Variants in RNPC3 observed in about 807,000 individuals in gnomAD.
The protein encoded by RNPC3 is RNA-binding region-containing protein 3.
A neutral mutation model predicts 67.5 loss-of-function variants in RNPC3; 48 were observed. That is an observed-to-expected ratio of 0.71 (90% CI 0.56 to 0.90). The LOEUF is 0.90. Ranked by LOEUF, RNPC3 falls within the 40% of genes least tolerant of loss-of-function variation. RNPC3 has a pLI of 0.00. For synonymous variants in RNPC3, 239 were observed against 210.3 expected (o/e 1.14, Z -1.18); for missense variants, 637 against 626.1 (o/e 1.02, Z -0.19).
At chr1:103,539,093 A>G (rs1033901649) in intron 7 of RNPC3, among the ~76,000 whole-genome samples, 2 of 152,222 alleles carry the variant, frequency 1.3e-5, no homozygotes, top group Admixed American at 1.3e-4. Context: ...GACTTTAATT[A>G]CAAAAACAGG....
chr1:103,536,303 G>A (rs1422939097), intron 6 of RNPC3, 109 bp downstream of exon 6: 2 of 730,896 alleles, frequency 2.7e-6, no homozygotes, highest in African/African-American at 3.5e-5. Flanking sequence ...TTGAAAATAA[G>A]GAACGGGTAT....
intron 14 of RNPC3, chr1:103,554,071 TA>T: frequency 6.6e-6 from 1 of 152,252 alleles, no homozygotes; most frequent in Non-Finnish European, 1.5e-5. Flanking sequence ...ATACTAATTT[TA>T]AAAGGGTGCA....
intron 2 of RNPC3, among the ~76,000 whole-genome samples, chr1:103,531,026 C>T (rs949243045): frequency 4.6e-5 from 7 of 152,174 alleles, no homozygotes; most frequent in Non-Finnish European, 8.8e-5. Context: ...TCCTCAAAGT[C>T]CATTGTATCA....
chr1:103,536,821 T>A (rs1272090632), intron 6 of RNPC3, among the ~76,000 whole-genome samples: 2 of 152,172 alleles, frequency 1.3e-5, no homozygotes, highest in African/African-American at 4.8e-5. Flanking sequence ...ATGCTTGATA[T>A]ATTACTGGAG....
chr1:103,527,644 T>C, intron 1 of RNPC3, 51 bp from the exon 2 acceptor site: 1 of 1,379,568 alleles, frequency 7.2e-7, no homozygotes, highest in Non-Finnish European at 1.0e-6. Flanking sequence ...GATTTCTTTG[T>C]GAGAAACTGA....
rs565291953 is a variant in RNPC3, at chr1:103,525,882, G to T, written c.-189G>T. On this transcript the variant is annotated 5_prime_UTR_variant, in exon 1 of 15. Coordinates refer to ENST00000423855, the MANE Select transcript of RNPC3 (RefSeq NM_017619.4). ...CATTAGCACCGCGCCCTTCCCCGAA[G>T]AGTCTTCGAAGGGTTGCCGCTTTTC... 3.5e-6 allele frequency: 2 copies of T among 568,324 alleles called. No individual in the cohort carries two copies. The highest frequency in any genetic ancestry group is 6.4e-5 in the Admixed American group (2 of 31,184). The allele number at this position is 568,324 out of a possible 1,614,324, so 35.2% of individuals were successfully genotyped here.
At chr1:103,553,619 A>G (rs1651453140) in intron 14 of RNPC3, 2 of 152,068 alleles carry the variant, frequency 1.3e-5, no homozygotes, top group African/African-American at 4.8e-5. Flanking sequence ...TGTTTCTTCT[A>G]TTTGTATGTT....
intron 2 of RNPC3, among the ~76,000 whole-genome samples, chr1:103,529,375 G>A (rs1330731192): frequency 6.6e-6 from 1 of 152,154 alleles, no homozygotes. Flanking sequence ...AGGACATGGA[G>A]CCAGTCATTG....
chr1:103,544,990 C>T lies in RNPC3; in HGVS notation c.1095C>T (p.Ile365=). Residue 365 remains isoleucine, a synonymous_variant, in exon 10 of 15, where the codon ATC becomes ATT. Transcript: ENST00000423855. ...VDASNIGFGK[I]FPKPNLDITE... The stretch of plus-strand genomic sequence containing the variant: ...CATCCAATATAGGATTTGGAAAAAT[C>T]TTCCCCAAACCTAATTTGGACATCA... 1 of 1,533,002 alleles carries T rather than the reference C, an allele frequency of 6.5e-7. No homozygotes were observed. Among genetic ancestry groups the T allele is most frequent in the Non-Finnish European group, 8.7e-7 (1 of 1,144,268 alleles). The allele number at this position is 1,533,002 out of a possible 1,614,324, so 95.0% of individuals were successfully genotyped here. A position where few individuals can be genotyped will look rare whatever the true frequency, so the allele number is the denominator to read the frequency against.
intron 12 of RNPC3, among the ~76,000 whole-genome samples, chr1:103,548,179 A>T (rs975677007): frequency 6.6e-6 from 1 of 152,174 alleles, no homozygotes; most frequent in Non-Finnish European, 1.5e-5. Flanking sequence ...CCCTGGAGAC[A>T]TATTCCTCAT....
chr1:103,546,727 CAGA>C, intron 11 of RNPC3: 1 of 384,894 alleles, frequency 2.6e-6, no homozygotes, highest in Non-Finnish European at 4.6e-6. Context: ...TGCTGGTATG[CAGA>C]AGCTGGCGAA....
chr1:103,544,927 T>C lies in RNPC3; in HGVS notation c.1046-14T>C. ...AGAGATTCTTAATGGTTAATGTTAA[T>C]ATTGAACTCTTAGATTTACCTGCTA... On this transcript the variant is annotated splice_polypyrimidine_tract_variant and intron_variant, in intron 9 of 14. Coordinates refer to ENST00000423855, the MANE Select transcript of RNPC3 (RefSeq NM_017619.4). 6.7e-7 allele frequency: 1 copy of C among 1,498,422 alleles called. No homozygotes were observed. The highest frequency in any genetic ancestry group is 8.9e-7 in the Non-Finnish European group (1 of 1,123,640). 92.8% of individuals were successfully genotyped at this position (1,498,422 alleles called of 1,614,324 possible).
Position 103,551,738 on chromosome 1 carries a change from T to G in RNPC3, c.1512T>G (p.Ala504=), listed in dbSNP as rs1651392522. The change falls in exon 14 of 15, where the codon GCT becomes GCG. Residue 504 remains alanine (A), a synonymous_variant. Coordinates refer to ENST00000423855, the MANE Select transcript of RNPC3 (RefSeq NM_017619.4). ...ATTATTAGCAGTTTGCTCGATCTGC[T>G]AGACCAAAACAAGATCCTAAGGAAG... The part of the protein sequence containing the change: ...KPMVVQFARS[A]RPKQDPKEGK... 1 of 1,534,312 alleles carries G rather than the reference T, an allele frequency of 6.5e-7. No homozygotes were observed. The highest frequency in any genetic ancestry group is 8.8e-7 in the Non-Finnish European group (1 of 1,136,962).
chr1:103,536,110 G>A lies in RNPC3; in HGVS notation c.556-16G>A. 6 of 1,517,646 alleles carry A rather than the reference G, an allele frequency of 4.0e-6. No homozygotes were observed. Among genetic ancestry groups the A allele is most frequent in the Non-Finnish European group, 5.3e-6 (6 of 1,129,712 alleles). The allele number at this position is 1,517,646 out of a possible 1,614,324, so 94.0% of individuals were successfully genotyped here. A position where few individuals can be genotyped will look rare whatever the true frequency, so the allele number is the denominator to read the frequency against. On this transcript the variant is annotated splice_polypyrimidine_tract_variant and intron_variant, in intron 5 of 14. Transcript: ENST00000423855. ...AATCATTTTATATGTGAATTTAAAT[G>A]TCTTACCACTTTAAGGTCCTTCATC...
chr1:103,545,006 T>C lies in RNPC3; in HGVS notation c.1111T>C (p.Leu371=). 1 of 1,534,312 alleles carries C rather than the reference T, an allele frequency of 6.5e-7. No individual in the cohort carries two copies. Among genetic ancestry groups the C allele is most frequent in the Non-Finnish European group, 8.7e-7 (1 of 1,145,052 alleles). ...TGGAAAAATCTTCCCCAAACCTAATTTGGACATCACAGAGGAGATTAAAGA... is the reference window on the plus strand; with the variant it reads ...TGGAAAAATCTTCCCCAAACCTAATCTGGACATCACAGAGGAGATTAAAGA... ...GFGKIFPKPN[L]DITEEIKEDS... The change falls in exon 10 of 15, where the codon TTG becomes CTG. Residue 371 remains leucine, a synonymous_variant. Transcript: ENST00000423855.
At chr1:103,551,315 G>A in intron 13 of RNPC3, 1 of 454,654 alleles carries the variant, frequency 2.2e-6, no homozygotes, top group Non-Finnish European at 3.9e-6. Flanking sequence ...CACTTATGCA[G>A]CTCAAAAGTA....
intron 12 of RNPC3, among the ~76,000 whole-genome samples, chr1:103,550,239 A>C (rs550267592): frequency 6.6e-6 from 1 of 151,868 alleles, no homozygotes; most frequent in African/African-American, 2.4e-5. Flanking sequence ...AATCCTTTCT[A>C]TTTTTCCATT....
rs1446530580 is a variant in RNPC3 at position 103,537,496 on chromosome 1, GA to G, written c.767+17del. 1 of 1,526,098 alleles carries G rather than the reference GA, an allele frequency of 6.6e-7. No homozygotes were observed. Among genetic ancestry groups the G allele is most frequent in the Non-Finnish European group, 8.8e-7 (1 of 1,142,326 alleles). The allele number at this position is 1,526,098 out of a possible 1,614,324, so 94.5% of individuals were successfully genotyped here. ...GAGGACCGACAGAGGTTTGTAACAT[GA>G]AAAATTTGTTTAGTTTCCAAGAAAC... is the stretch of plus-strand genomic sequence containing the variant. On this transcript the variant is annotated intron_variant, in intron 7 of 14. Coordinates refer to ENST00000423855, the MANE Select transcript of RNPC3 (RefSeq NM_017619.4).
chr1:103,532,757 T>C (rs1650890250), intron 2 of RNPC3, among the ~76,000 whole-genome samples: 1 of 152,100 alleles, frequency 6.6e-6, no homozygotes, highest in Non-Finnish European at 1.5e-5. Context: ...TGATTAACTA[T>C]GTTAAATGCA....
Sources: gnomAD v4.1 joint callset for allele counts (sites outside exome capture counted in the v4.1 genomes callset) on GRCh38, gnomAD v4.1.1 for gene constraint, MANE v1.5 for transcripts, NCBI Gene and HGNC (gene_info 2026-07-23, HGNC 2026-07-21) for gene names.